The following PLXNA3 variants were observed in gnomAD, a reference collection of about 807,000 sequenced individuals.
The protein encoded by PLXNA3 is plexin A3, also known as plexin-A3.
PLXNA3 carries 52 observed loss-of-function variants against 118.8 expected under a neutral mutation model. The observed-to-expected ratio is 0.44, with a 90% CI of 0.35 to 0.55. PLXNA3 has a LOEUF of 0.55. Among genes scored for constraint, PLXNA3 ranks in the 20% least tolerant of loss-of-function variants. The pLI, the probability that PLXNA3 is intolerant of heterozygous loss-of-function variation, is 0.01. For missense variants in PLXNA3, 1,660 were observed against 1,730.8 expected (o/e 0.96, Z 0.73); for synonymous variants, 925 against 762.4 (o/e 1.21, Z -3.51).
chrX:154,462,754 G>T (rs2068997504), intron 4 of PLXNA3, among the ~76,000 whole-genome samples: 2 of 111,192 alleles, frequency 1.8e-5, no homozygotes. Context: ...CTACCCATGG[G>T]CCCGGGGGCT....
rs782207716 is a variant in PLXNA3, at chrX:154,466,980, A to G, written c.3108-77A>G. ...AGGGTCAGGGAAGGCCTGGGCTGCCATGGCAGCCTTGATCGCTCTCCAGGG... is the reference window on the plus strand; with the variant it reads ...AGGGTCAGGGAAGGCCTGGGCTGCCGTGGCAGCCTTGATCGCTCTCCAGGG... On this transcript the variant is annotated intron_variant, in intron 17 of 32. Coordinates refer to ENST00000369682, the MANE Select transcript of PLXNA3 (RefSeq NM_017514.5). 4.8e-5 allele frequency: 48 copies of G among 989,844 alleles called. 1 individual carries two copies. In the South Asian group the frequency reaches 9.7e-4, roughly 20 times the overall value. 81.6% of individuals were successfully genotyped at this position (989,844 alleles called of 1,213,427 possible). A position where few individuals can be genotyped will look rare whatever the true frequency, so the allele number is the denominator to read the frequency against.
chrX:154,466,586 G>A (rs2069089748), intron 16 of PLXNA3, 37 bp from the exon 17 acceptor site: 4 of 1,189,521 alleles, frequency 3.4e-6, no homozygotes, highest in African/African-American at 1.8e-5. Context: ...TGAGGGCCCT[G>A]GGCCACCCGC....
At chrX:154,460,903 G>A (rs2068941180) in intron 2 of PLXNA3, 126 bp downstream of exon 2, 4 of 635,794 alleles carry the variant, frequency 6.3e-6, no homozygotes, top group Middle Eastern at 3.8e-4. Context: ...GTTGCGGAGG[G>A]TGGGATGACA....
chrX:154,467,099 G>T lies in PLXNA3; in HGVS notation c.3150G>T (p.Thr1050=). 1 of 1,210,581 alleles carries T rather than the reference G, an allele frequency of 8.3e-7. No individual in the cohort carries two copies. The highest frequency in any genetic ancestry group is 1.8e-5 in the South Asian group (1 of 56,995). The change falls in exon 18 of 33, where the codon ACG becomes ACT. Residue 1050 remains threonine (T), a synonymous_variant. Transcript: ENST00000369682. ...AITVSGTHLL[T]VQEPRVRAKY... is the part of the protein sequence containing the mutation. The stretch of plus-strand genomic sequence containing the variant: ...CTGTGAGTGGGACCCACCTGCTGAC[G>T]GTCCAGGAGCCCCGGGTCCGTGCCA...
chrX:154,467,503 G>T, intron 19 of PLXNA3, 32 bp downstream of exon 19: 2 of 919,283 alleles, frequency 2.2e-6, no homozygotes, highest in Non-Finnish European at 1.5e-6. Flanking sequence ...GGAGGGGCGG[G>T]AAAGTGGAGA....
intron 2 of PLXNA3, 59 bp from the exon 3 acceptor site, chrX:154,461,040 T>A: frequency 1.0e-6 from 1 of 1,004,785 alleles, no homozygotes; most frequent in Non-Finnish European, 1.4e-6. Flanking sequence ...AAGCTGGCGG[T>A]GGCCCGTGAT....
In PLXNA3 at chrX:154,476,879, C is replaced by G. The variant is rs1164348181; in HGVS notation, c.*4194C>G. The G allele has an allele frequency of 8.9e-6, 1 of 111,979 alleles. No homozygotes were observed. Among genetic ancestry groups the G allele is most frequent in the African/African-American group, 3.2e-5 (1 of 30,784 alleles). The allele number at this position is 111,979 out of a possible 1,213,427, so 9.2% of individuals were successfully genotyped here. On this transcript the variant is annotated 3_prime_UTR_variant, in exon 33 of 33. Coordinates refer to ENST00000369682, the MANE Select transcript of PLXNA3 (RefSeq NM_017514.5). ...GACACCCGGACTTTAGGAGTTGAAA[C>G]TGATTCAGAGCGTCCCAGCAGCTGG...
chrX:154,476,166 C>A lies in PLXNA3; in HGVS notation c.*3481C>A, dbSNP rs1336271828. On this transcript the variant is annotated 3_prime_UTR_variant, in exon 33 of 33. Transcript: ENST00000369682. The stretch of plus-strand genomic sequence containing the variant: ...AAAAAAAATAATAATAATTAAAAAA[C>A]AAAAGATCGGCTGGGCGCGGTGGCT... The A allele has an allele frequency of 2.7e-5, 3 of 111,322 alleles. No homozygotes were observed. The Admixed American group carries it at 2.9e-4, about 11-fold the overall frequency. The allele number at this position is 111,322 out of a possible 1,213,427, so 9.2% of individuals were successfully genotyped here. A position where few individuals can be genotyped will look rare whatever the true frequency, so the allele number is the denominator to read the frequency against.
At chrX:154,464,923 C>A in intron 10 of PLXNA3, 55 bp downstream of exon 10, 1 of 1,075,214 alleles carries the variant, frequency 9.3e-7, no homozygotes, top group Non-Finnish European at 1.3e-6. Context: ...GCGGGGCCAC[C>A]GGCTTCTATG....
At chrX:154,459,180 C>T (rs1264092802) in intron 1 of PLXNA3, among the ~76,000 whole-genome samples, 3 of 108,805 alleles carry the variant, frequency 2.8e-5, no homozygotes, top group Non-Finnish European at 3.9e-5. Context: ...CCCCCGCCTC[C>T]CGCCCTCAAG....
At chrX:154,464,941 G>C (rs782038995) in intron 10 of PLXNA3, 73 bp downstream of exon 10, 2 of 1,082,515 alleles carry the variant, frequency 1.8e-6, no homozygotes, top group Middle Eastern at 6.1e-4. Flanking sequence ...ATGCGTTCTC[G>C]GTTTCTTTGA....
chrX:154,464,709 G>A (rs1221972762), intron 9 of PLXNA3, 45 bp from the exon 10 acceptor site: 1 of 912,384 alleles, frequency 1.1e-6, no homozygotes, highest in Non-Finnish European at 1.5e-6. Context: ...GCAGTGAGGG[G>A]CAGTGCAGCC....
intron 30 of PLXNA3, 194 bp from the exon 31 acceptor site, chrX:154,470,911 G>A (rs148515061): frequency 5.4e-4 from 241 of 446,831 alleles, no homozygotes; most frequent in Non-Finnish European, 7.3e-4. Flanking sequence ...GAGAAGCTGC[G>A]GAGGGGGTTG....
chrX:154,471,241 C>T lies in PLXNA3; in HGVS notation c.5293C>T (p.Arg1765Cys), dbSNP rs782513820. 5.2e-5 allele frequency: 63 copies of T among 1,209,679 alleles called. No individual in the cohort carries two copies. The highest frequency in any genetic ancestry group is 8.8e-5 in the South Asian group (5 of 56,735). Residue 1765 changes from arginine to cysteine, a missense_variant, in exon 31 of 33, where the codon CGC becomes TGC. Transcript: ENST00000369682. ...FMDSCSTSEHRLGKDSPSNKL... is the reference protein window; with the variant it reads ...FMDSCSTSEHCLGKDSPSNKL... ...GGACTCCTGCTCTACATCCGAGCAC[C>T]GCCTGGGGAAGGACTCGCCCTCCAA... is the stretch of plus-strand genomic sequence containing the variant.
chrX:154,458,803 A>C (rs1320915734), intron 1 of PLXNA3, among the ~76,000 whole-genome samples: 1 of 111,773 alleles, frequency 8.9e-6, no homozygotes, highest in Non-Finnish European at 1.9e-5. Flanking sequence ...CCCCTTCCTC[A>C]GGCTCTCTGC....
In PLXNA3 at chrX:154,473,734, G is replaced by T. The variant is rs2069215799; in HGVS notation, c.*1049G>T. The T allele has an allele frequency of 8.9e-6, 1 of 112,141 alleles. No homozygotes were observed. The highest frequency in any genetic ancestry group is 3.2e-5 in the African/African-American group (1 of 30,818). The allele number at this position is 112,141 out of a possible 1,213,427, so 9.2% of individuals were successfully genotyped here. On this transcript the variant is annotated 3_prime_UTR_variant, in exon 33 of 33. Coordinates refer to ENST00000369682, the MANE Select transcript of PLXNA3 (RefSeq NM_017514.5). The stretch of plus-strand genomic sequence containing the variant: ...ATTGTGGGAGAAAGGACCACTCCTT[G>T]CAGGGTCCCAGAGGGTTTGGGGAGG...
chrX:154,471,438 G>T (rs782422560), intron 31 of PLXNA3, 50 bp from the exon 32 acceptor site: 1 of 1,175,155 alleles, frequency 8.5e-7, no homozygotes, highest in Admixed American at 2.3e-5. Flanking sequence ...GAGGGCAGGG[G>T]TTCTAGTTTT....
Position 154,464,453 on chromosome X carries a change from G to A in PLXNA3, c.1880G>A (p.Arg627Lys), listed in dbSNP as rs2069039831. The A allele has an allele frequency of 1.7e-6, 2 of 1,211,263 alleles. No individual in the cohort carries two copies. Among genetic ancestry groups the A allele is most frequent in the Non-Finnish European group, 2.2e-6 (2 of 895,118 alleles). ...CTTCTCTCCAAGGAGACAGGCGTGA[G>A]GTTTGCCGGTGCTGACTTTGTCTTC... ...LQLLSKETGV[R>K]FAGADFVFYN... is the part of the protein sequence containing the mutation. Residue 627 changes from arginine (R) to lysine (K), a missense_variant, in exon 9 of 33, where the codon AGG (arginine) becomes AAG (lysine). Around this residue, in one of 2 missense-constraint regions of PLXNA3, gnomAD observed 791 missense variants for 652.1 expected, o/e 1.21. Coordinates refer to ENST00000369682, the MANE Select transcript of PLXNA3 (RefSeq NM_017514.5).
Position 154,469,385 on chromosome X carries a change from G to A in PLXNA3, c.4601G>A (p.Arg1534His). The stretch of plus-strand genomic sequence containing the variant: ...GGCTGTCTGTGGCCCACAGAGTGGC[G>A]CCAGGGCCGCATGACTCGCATCATC... ...PKAEDMDLEW[R>H]QGRMTRIILQ... The change falls in exon 27 of 33, where the codon CGC becomes CAC. Residue 1534 changes from arginine (R) to histidine (H), a missense_variant. By Grantham distance (29) the Arg-to-His change is conservative. This residue lies in a region of PLXNA3 where 869 missense variants were observed against 1,078.7 expected (regional missense o/e 0.81). Transcript: ENST00000369682. The A allele has an allele frequency of 1.7e-6, 2 of 1,207,506 alleles. No homozygotes were observed. Among genetic ancestry groups the A allele is most frequent in the African/African-American group, 1.7e-5 (1 of 57,855 alleles).
Sources: allele counts gnomAD v4.1 joint callset (sites outside exome capture counted in the v4.1 genomes callset), GRCh38; gene constraint gnomAD v4.1.1; regional missense constraint gnomAD v4.1.1; transcripts MANE v1.5; gene names NCBI Gene and HGNC (gene_info 2026-07-23, HGNC 2026-07-21).